The following CLSTN2 variants were observed in gnomAD, a reference collection of about 807,000 sequenced individuals.
CLSTN2 encodes the protein calsyntenin 2.
Under a neutral mutation model 101.2 loss-of-function variants are expected in CLSTN2, and 48 were observed. The ratio of observed to expected loss-of-function variants is 0.47; its 90% CI spans 0.38 to 0.60. The LOEUF is 0.60. CLSTN2 is among the 20% of genes least tolerant of loss of function. CLSTN2 has a pLI of 0.00. For missense variants in CLSTN2, 1,160 were observed against 1,238.2 expected (o/e 0.94, Z 0.95); for synonymous variants, 481 against 463.6 (o/e 1.04, Z -0.48).
At chr3:139,973,981 G>T (rs1935768298) in intron 1 of CLSTN2, among the ~76,000 whole-genome samples, 1 of 152,206 alleles carries the variant, frequency 6.6e-6, no homozygotes, top group Non-Finnish European at 1.5e-5. Context: ...CCCTGGCACA[G>T]TTCTAGGGAA....
At chr3:140,098,858 G>A (rs2008915206) in intron 1 of CLSTN2, among the ~76,000 whole-genome samples, 1 of 152,130 alleles carries the variant, frequency 6.6e-6, no homozygotes, top group Admixed American at 6.6e-5. Context: ...AGGGGTGAGA[G>A]CTAAAATTGA....
chr3:140,436,526 G>A (rs1417698060), intron 5 of CLSTN2, among the ~76,000 whole-genome samples: 1 of 152,232 alleles, frequency 6.6e-6, no homozygotes, highest in Non-Finnish European at 1.5e-5. Context: ...CCTGGCAAAG[G>A]CACAAGGTAG....
At chr3:140,485,155 T>C (rs1218824042) in intron 8 of CLSTN2, among the ~76,000 whole-genome samples, 1 of 152,240 alleles carries the variant, frequency 6.6e-6, no homozygotes, top group Non-Finnish European at 1.5e-5. Flanking sequence ...ATGTCCTATC[T>C]GTTAGTTTTC....
At chr3:140,113,734 G>A (rs756461273) in intron 1 of CLSTN2, among the ~76,000 whole-genome samples, 1 of 152,200 alleles carries the variant, frequency 6.6e-6, no homozygotes, top group Non-Finnish European at 1.5e-5. Flanking sequence ...AGAAAACTGA[G>A]GCAGGGAGTG....
chr3:140,562,049 G>A, intron 12 of CLSTN2, 89 bp from the exon 13 acceptor site: 2 of 1,193,794 alleles, frequency 1.7e-6, no homozygotes, highest in Admixed American at 1.9e-5. Flanking sequence ...TTAACCTGGG[G>A]TGCAATAACA....
At chr3:140,444,454 C>T (rs1027874900) in intron 5 of CLSTN2, among the ~76,000 whole-genome samples, 1 of 151,140 alleles carries the variant, frequency 6.6e-6, no homozygotes, top group Non-Finnish European at 1.5e-5. Context: ...TGCTACATGG[C>T]CTTGGGCAAG....
At chr3:140,428,483 T>A (rs1019228897) in intron 5 of CLSTN2, among the ~76,000 whole-genome samples, 3 of 152,128 alleles carry the variant, frequency 2.0e-5, no homozygotes, top group African/African-American at 7.2e-5. Context: ...TTTCCCCAGA[T>A]GTGTTGCTGA....
intron 7 of CLSTN2, chr3:140,461,205 C>T (rs544399569): frequency 2.0e-5 from 3 of 152,262 alleles, no homozygotes; most frequent in South Asian, 2.1e-4. Context: ...AGGTGCCTGG[C>T]TTTCCCTATT....
At chr3:140,491,928 C>T (rs149846921) in intron 8 of CLSTN2, among the ~76,000 whole-genome samples, 286 of 152,242 alleles carry the variant, frequency 1.9e-3, no homozygotes, top group African/African-American at 5.8e-3. Context: ...CTTTGGGAGA[C>T]TCCTACCTGG....
At chr3:140,362,714 T>C (rs1045207742) in intron 2 of CLSTN2, among the ~76,000 whole-genome samples, 2 of 152,202 alleles carry the variant, frequency 1.3e-5, no homozygotes, top group Non-Finnish European at 2.9e-5. Flanking sequence ...CATGAAATGG[T>C]ACTCAATCAA....
intron 5 of CLSTN2, among the ~76,000 whole-genome samples, chr3:140,441,390 A>T (rs1559870645): frequency 6.6e-6 from 1 of 152,226 alleles, no homozygotes; most frequent in Non-Finnish European, 1.5e-5. Flanking sequence ...AAGCCTAATA[A>T]AATAGCCCAT....
At chr3:140,372,099 A>G (rs149241196) in intron 2 of CLSTN2, among the ~76,000 whole-genome samples, 22 of 152,246 alleles carry the variant, frequency 1.4e-4, no homozygotes, top group South Asian at 2.1e-4. Context: ...GAGGAGCAGG[A>G]GCTTTGTCTA....
intron 1 of CLSTN2, among the ~76,000 whole-genome samples, chr3:140,021,254 G>A (rs9828795): frequency 0.55 from 83,138 of 151,962 alleles, 24,568 homozygotes; most frequent in South Asian, 0.73. Context: ...ACTGCCCCTT[G>A]TGCTCATTAA....
At chr3:140,449,971 T>C (rs1478833874) in intron 6 of CLSTN2, 1 of 152,260 alleles carries the variant, frequency 6.6e-6, no homozygotes. Context: ...CTTGTTGTCA[T>C]TTGGCTGTGA....
chr3:140,359,763 A>G (rs2087707807), intron 2 of CLSTN2, among the ~76,000 whole-genome samples: 1 of 152,142 alleles, frequency 6.6e-6, no homozygotes, highest in Non-Finnish European at 1.5e-5. Flanking sequence ...ATGAAAAGAG[A>G]AACTTAATTA....
At chr3:140,367,465 A>G (rs2087804093) in intron 2 of CLSTN2, among the ~76,000 whole-genome samples, 1 of 142,044 alleles carries the variant, frequency 7.0e-6, no homozygotes, top group Non-Finnish European at 1.5e-5. Context: ...GTGAGCCGAG[A>G]TTGTACCACT....
intron 1 of CLSTN2, among the ~76,000 whole-genome samples, chr3:139,980,393 CATTT>C (rs1303968986): frequency 6.6e-6 from 1 of 152,104 alleles, no homozygotes; most frequent in Non-Finnish European, 1.5e-5. Flanking sequence ...TCTTTCACTT[CATTT>C]AAGTCTCTGC....
chr3:140,157,165 T>G (rs1242263743), intron 1 of CLSTN2, among the ~76,000 whole-genome samples: 1 of 151,942 alleles, frequency 6.6e-6, no homozygotes, highest in African/African-American at 2.4e-5. Context: ...TTGTTGAGGA[T>G]TTTTGTGTCT....
intron 9 of CLSTN2, among the ~76,000 whole-genome samples, chr3:140,542,752 G>C (rs1015395410): frequency 6.6e-6 from 1 of 152,132 alleles, no homozygotes; most frequent in Admixed American, 6.5e-5. Context: ...AGAGAAGATG[G>C]CTTATAGGAA....
Sources: gnomAD v4.1 joint callset for allele counts (sites outside exome capture counted in the v4.1 genomes callset) on GRCh38, gnomAD v4.1.1 for gene constraint, MANE v1.5 for transcripts, NCBI Gene and HGNC (gene_info 2026-07-23, HGNC 2026-07-21) for gene names.